The following SCN9A variants were observed in gnomAD, a reference collection of about 807,000 sequenced individuals.
The protein encoded by SCN9A is sodium voltage-gated channel alpha subunit 9.
A neutral mutation model predicts 187.0 loss-of-function variants in SCN9A; 131 were observed. The ratio of observed to expected loss-of-function variants is 0.70; its 90% CI spans 0.61 to 0.81. SCN9A has a LOEUF of 0.81. Ranked by LOEUF, SCN9A falls within the 30% of genes least tolerant of loss-of-function variation. SCN9A has a pLI of 0.00. For missense variants in SCN9A, 2,252 were observed against 2,396.6 expected (o/e 0.94, Z 1.26); for synonymous variants, 809 against 808.6 (o/e 1.00, Z -0.01).
chr2:166,203,258 ATC>A (rs1361921439), intron 26 of SCN9A, among the ~76,000 whole-genome samples: 2 of 151,816 alleles, frequency 1.3e-5, no homozygotes, highest in Non-Finnish European at 1.5e-5. Flanking sequence ...AATCTCTATA[ATC>A]TCTCTCTCTT....
intron 17 of SCN9A, among the ~76,000 whole-genome samples, chr2:166,259,776 T>C (rs2106439165): frequency 6.6e-6 from 1 of 151,932 alleles, no homozygotes; most frequent in East Asian, 1.9e-4. Flanking sequence ...TATCAAAATA[T>C]AAAGAATAAG....
In SCN9A at chr2:166,195,621, T is replaced by A. The variant is rs200527016; in HGVS notation, c.*3051A>T. On this transcript the variant is annotated 3_prime_UTR_variant, in exon 27 of 27. Transcript: ENST00000642356. Reference sequence around the variant, plus strand: ...AAGCTATCAAAACTCTATAAAATCATGCTAAGTATTTTGGGTTGTGATGTT... The same window carrying A: ...AAGCTATCAAAACTCTATAAAATCAAGCTAAGTATTTTGGGTTGTGATGTT... 1.3e-5 allele frequency: 2 copies of A among 152,208 alleles called. No homozygotes were observed. The highest frequency in any genetic ancestry group is 2.9e-5 in the Non-Finnish European group (2 of 68,036). 9.4% of individuals were successfully genotyped at this position (152,208 alleles called of 1,614,324 possible).
chr2:166,312,084 C>T (rs929690684), intron 1 of SCN9A, among the ~76,000 whole-genome samples: 24 of 151,966 alleles, frequency 1.6e-4, no homozygotes, highest in African/African-American at 5.1e-4. Flanking sequence ...TCCTAAATTC[C>T]CCTTCTTTTC....
intron 18 of SCN9A, among the ~76,000 whole-genome samples, chr2:166,250,818 G>A (rs1224137487): frequency 2.0e-5 from 3 of 152,022 alleles, no homozygotes; most frequent in Non-Finnish European, 4.4e-5. Flanking sequence ...ACATTTTAGT[G>A]TGCATGCAAA....
chr2:166,321,858 C>T (rs1455387409), intron 1 of SCN9A, among the ~76,000 whole-genome samples: 1 of 149,890 alleles, frequency 6.7e-6, no homozygotes, highest in Non-Finnish European at 1.5e-5. Flanking sequence ...TGCAGTGCTC[C>T]TCCTCAGAGT....
At chr2:166,319,233 C>T (rs1425056799) in intron 1 of SCN9A, among the ~76,000 whole-genome samples, 2 of 151,594 alleles carry the variant, frequency 1.3e-5, no homozygotes, top group African/African-American at 4.8e-5. Context: ...ATTCTATTAT[C>T]AGACAACCTA....
At chr2:166,271,453 G>C (rs936054002) in intron 17 of SCN9A, among the ~76,000 whole-genome samples, 6 of 152,058 alleles carry the variant, frequency 3.9e-5, no homozygotes, top group African/African-American at 1.4e-4. Context: ...GACCTAAAAG[G>C]AAATTGGTTT....
Position 166,280,495 on chromosome 2 carries a change from CTT to C in SCN9A, c.2203_2204del (p.Lys735ValfsTer35), listed in dbSNP as rs1297421890. On this transcript the variant is annotated frameshift_variant, in exon 14 of 27. Coordinates refer to ENST00000642356, the MANE Select transcript of SCN9A (RefSeq NM_001365536.1). LOFTEE classifies it high-confidence loss of function. ...GATCCATTACAATAAAATAGATACA[CTT>C]TTTGAATTTTATCCAATATGGAGAG... ...NCSPYWIKFK[K>X]CIYFIVMDPF... 6.3e-7 allele frequency: 1 copy of C among 1,587,070 alleles called. No homozygotes were observed. Among genetic ancestry groups the C allele is most frequent in the Non-Finnish European group, 8.6e-7 (1 of 1,164,428 alleles).
chr2:166,281,215 G>A (rs1027810582), intron 13 of SCN9A, among the ~76,000 whole-genome samples: 3 of 152,110 alleles, frequency 2.0e-5, no homozygotes, highest in Non-Finnish European at 1.5e-5. Context: ...TATTGTCAGG[G>A]GAGAGGGTAG....
intron 9 of SCN9A, among the ~76,000 whole-genome samples, chr2:166,289,563 T>C (rs183288237): frequency 1.9e-3 from 292 of 152,300 alleles, no homozygotes; most frequent in Non-Finnish European, 3.5e-3. Context: ...TGTGCCACAT[T>C]TTCTTTATCC....
chr2:166,318,585 A>T (rs1194217983), intron 1 of SCN9A, among the ~76,000 whole-genome samples: 1 of 152,064 alleles, frequency 6.6e-6, no homozygotes, highest in Non-Finnish European at 1.5e-5. Context: ...AAAAAAAAAA[A>T]ATAGGCTACC....
intron 18 of SCN9A, among the ~76,000 whole-genome samples, chr2:166,250,286 A>G (rs951880850): frequency 1.4e-4 from 22 of 152,178 alleles, no homozygotes; most frequent in Non-Finnish European, 2.1e-4. Context: ...TAGATAAGTC[A>G]TTAGCATCTG....
chr2:166,217,086 G>A (rs780151313), intron 24 of SCN9A, among the ~76,000 whole-genome samples: 3 of 151,926 alleles, frequency 2.0e-5, no homozygotes, highest in African/African-American at 4.8e-5. Flanking sequence ...TTTCAGCAAA[G>A]GTGCAAAGAA....
chr2:166,353,182 C>A (rs1193051776), intron 1 of SCN9A, among the ~76,000 whole-genome samples: 2 of 149,272 alleles, frequency 1.3e-5, no homozygotes, highest in Non-Finnish European at 3.0e-5. Context: ...TGATGAAACC[C>A]CTTCCCTTCA....
chr2:166,326,049 CTTCTCCCA>C (rs1316465542), intron 1 of SCN9A, among the ~76,000 whole-genome samples: 1 of 151,984 alleles, frequency 6.6e-6, no homozygotes, highest in African/African-American at 2.4e-5. Flanking sequence ...TCTTATAGGC[CTTCTCCCA>C]TGAAAACAGA....
At chr2:166,331,685 A>T (rs1283331712) in intron 1 of SCN9A, among the ~76,000 whole-genome samples, 2 of 152,188 alleles carry the variant, frequency 1.3e-5, no homozygotes, top group Non-Finnish European at 2.9e-5. Flanking sequence ...ATAAGAGATG[A>T]GTGTCTTCTT....
intron 1 of SCN9A, among the ~76,000 whole-genome samples, chr2:166,318,760 G>T (rs1699169704): frequency 6.6e-6 from 1 of 152,144 alleles, no homozygotes; most frequent in South Asian, 2.1e-4. Context: ...TCAGGTGCTA[G>T]AAACGTTCTA....
At chr2:166,373,327 TAAA>T (rs1559070918) in intron 1 of SCN9A, among the ~76,000 whole-genome samples, 101 of 150,170 alleles carry the variant, frequency 6.7e-4, no homozygotes, top group East Asian at 1.2e-3. Flanking sequence ...TTTTTTTTTT[TAAA>T]TGCAGTTGTG....
At chr2:166,227,612 G>C (rs572638769) in intron 23 of SCN9A, 58 bp downstream of exon 23, 5 of 1,005,866 alleles carry the variant, frequency 5.0e-6, no homozygotes, top group Non-Finnish European at 7.7e-6. Context: ...GGAAATCACT[G>C]AAATAAACTA....
Sources: gnomAD v4.1 joint callset for allele counts (sites outside exome capture counted in the v4.1 genomes callset) on GRCh38, gnomAD v4.1.1 for gene constraint, MANE v1.5 for transcripts, NCBI Gene and HGNC (gene_info 2026-07-23, HGNC 2026-07-21) for gene names.